Variants in NOL4 observed in about 807,000 individuals in gnomAD.
The protein encoded by NOL4 is cancer/testis antigen 125.
A neutral mutation model predicts 75.9 loss-of-function variants in NOL4; 17 were observed. The observed-to-expected ratio is 0.22, with a 90% CI of 0.15 to 0.34. The LOEUF is 0.34. Among genes scored for constraint, NOL4 ranks in the 10% least tolerant of loss-of-function variants. The probability of loss-of-function intolerance (pLI) is 1.00; values close to 1 mark genes in which losing one functional copy is unlikely to be tolerated. For synonymous variants in NOL4, 292 were observed against 289.9 expected (o/e 1.01, Z -0.07); for missense variants, 614 against 793.5 (o/e 0.77, Z 2.72).
chr18:34,197,534 C>T (rs1308317392), intron 1 of NOL4, among the ~76,000 whole-genome samples: 1 of 151,932 alleles, frequency 6.6e-6, no homozygotes, highest in Admixed American at 6.6e-5. Flanking sequence ...CTGCCTGTTC[C>T]AGTGGAGTTT....
intron 6 of NOL4, among the ~76,000 whole-genome samples, chr18:33,978,313 G>T (rs967103195): frequency 1.3e-5 from 2 of 152,176 alleles, no homozygotes; most frequent in Non-Finnish European, 2.9e-5. Context: ...TGCGAAGGTA[G>T]AGTAGGATAG....
At chr18:34,045,786 A>G (rs148761796) in intron 5 of NOL4, among the ~76,000 whole-genome samples, 2 of 152,176 alleles carry the variant, frequency 1.3e-5, no homozygotes, top group East Asian at 1.9e-4. Flanking sequence ...TTAACAATGT[A>G]TCATAGTATT....
At chr18:33,996,121 T>G (rs1200291598) in intron 6 of NOL4, among the ~76,000 whole-genome samples, 2 of 151,780 alleles carry the variant, frequency 1.3e-5, no homozygotes, top group Admixed American at 1.3e-4. Flanking sequence ...GGATGCATGC[T>G]CTCACTATTT....
chr18:34,008,660 G>A (rs140248894), intron 6 of NOL4, among the ~76,000 whole-genome samples: 6 of 151,872 alleles, frequency 4.0e-5, no homozygotes, highest in East Asian at 1.9e-4. Flanking sequence ...TTACCAGCCC[G>A]CCATGATGCA....
chr18:33,968,010 C>T (rs1351552412), intron 6 of NOL4, among the ~76,000 whole-genome samples: 2 of 152,008 alleles, frequency 1.3e-5, no homozygotes, highest in African/African-American at 2.4e-5. Context: ...GGCTTGAACC[C>T]GGAAGGCTGA....
intron 10 of NOL4, among the ~76,000 whole-genome samples, chr18:33,878,767 CG>C (rs1480350752): frequency 1.3e-5 from 2 of 152,046 alleles, no homozygotes. Context: ...AAAAATACAT[CG>C]GAAGTTCCTA....
At chr18:33,929,717 G>A (rs1321579574) in intron 9 of NOL4, among the ~76,000 whole-genome samples, 1 of 152,062 alleles carries the variant, frequency 6.6e-6, no homozygotes, top group South Asian at 2.1e-4. Context: ...TAAAATATCT[G>A]CCATATGATG....
intron 9 of NOL4, among the ~76,000 whole-genome samples, chr18:33,934,491 T>C (rs1449667283): frequency 6.6e-6 from 1 of 152,158 alleles, no homozygotes; most frequent in Non-Finnish European, 1.5e-5. Flanking sequence ...TTCATCTACA[T>C]TATAAATCTT....
intron 6 of NOL4, among the ~76,000 whole-genome samples, chr18:34,010,196 T>C (rs2074291329): frequency 6.6e-6 from 1 of 151,964 alleles, no homozygotes; most frequent in African/African-American, 2.4e-5. Context: ...TTCTACACTA[T>C]ATCTCCATGA....
Position 33,883,377 on chromosome 18 carries a change from C to A in NOL4, c.1590G>T (p.Gln530His), listed in dbSNP as rs766365464. The change falls in exon 10 of 11, where the codon CAG becomes CAT. Residue 530 changes from glutamine to histidine, a missense_variant. Gln to His is a conservative substitution (Grantham distance 24). Coordinates refer to ENST00000261592, the MANE Select transcript of NOL4 (RefSeq NM_003787.5). ...GAACAGCTGATGTTGAGTAAGTGGC[C>A]TGGGTCGCCTCTGGTTTACACTGTT... ...ADKQCKPEAT[Q>H]ATYSTSAVPG... 33 of 1,612,774 alleles carry A rather than the reference C, an allele frequency of 2.0e-5. No homozygotes were observed. The highest frequency in any genetic ancestry group is 1.7e-5 in the Admixed American group (1 of 59,770).
chr18:33,864,627 G>A (rs1599668860), intron 10 of NOL4, among the ~76,000 whole-genome samples: 1 of 152,114 alleles, frequency 6.6e-6, no homozygotes, highest in South Asian at 2.1e-4. Context: ...TCCAACTGCT[G>A]CCCCTTACCC....
intron 1 of NOL4, among the ~76,000 whole-genome samples, chr18:34,177,407 T>G (rs1013605265): frequency 1.3e-5 from 2 of 151,960 alleles, no homozygotes; most frequent in African/African-American, 4.8e-5. Flanking sequence ...GTTGTACATA[T>G]GAAATATGTA....
At chr18:34,008,385 C>CTATA (rs1199396921) in intron 6 of NOL4, among the ~76,000 whole-genome samples, 4 of 151,530 alleles carry the variant, frequency 2.6e-5, no homozygotes, top group Non-Finnish European at 2.9e-5. Flanking sequence ...ATCTATCTAT[C>CTATA]TATCTATCTA....
chr18:34,010,205 G>A (rs1047163594), intron 6 of NOL4, among the ~76,000 whole-genome samples: 1 of 151,760 alleles, frequency 6.6e-6, no homozygotes, highest in Admixed American at 6.6e-5. Context: ...ATATCTCCAT[G>A]ATTTCAAATG....
chr18:33,953,111 G>A (rs572891848), intron 8 of NOL4, among the ~76,000 whole-genome samples: 1 of 151,762 alleles, frequency 6.6e-6, no homozygotes, highest in Non-Finnish European at 1.5e-5. Context: ...GGTAGGAAGG[G>A]AAAGCCACTT....
At chr18:34,016,585 A>G (rs2074708695) in intron 6 of NOL4, among the ~76,000 whole-genome samples, 1 of 151,906 alleles carries the variant, frequency 6.6e-6, no homozygotes, top group Non-Finnish European at 1.5e-5. Context: ...AAACATGCTT[A>G]CCCCTCTCCC....
chr18:33,979,242 C>T (rs944150578), intron 6 of NOL4, among the ~76,000 whole-genome samples: 2 of 151,670 alleles, frequency 1.3e-5, no homozygotes, highest in African/African-American at 4.8e-5. Context: ...AACAAAGTCA[C>T]CCCCCATTCC....
intron 10 of NOL4, among the ~76,000 whole-genome samples, chr18:33,866,130 A>C (rs1307510406): frequency 2.6e-5 from 4 of 152,136 alleles, no homozygotes; most frequent in African/African-American, 9.7e-5. Context: ...TGCAGGTTAA[A>C]TTAGATCTCC....
chr18:34,170,877 C>G (rs1391527705), intron 1 of NOL4, among the ~76,000 whole-genome samples: 2 of 152,166 alleles, frequency 1.3e-5, no homozygotes, highest in East Asian at 3.8e-4. Context: ...AGATGTTGAG[C>G]AGCCTAAATG....
Sources: allele counts gnomAD v4.1 joint callset (sites outside exome capture counted in the v4.1 genomes callset), GRCh38; gene constraint gnomAD v4.1.1; transcripts MANE v1.5; gene names NCBI Gene and HGNC (gene_info 2026-07-23, HGNC 2026-07-21).